The following PLGRKT variants were observed in gnomAD, a reference collection of about 807,000 sequenced individuals.
PLGRKT encodes plasminogen receptor with a C-terminal lysine, also known as plasminogen receptor (KT).
PLGRKT carries 22 observed loss-of-function variants against 18.5 expected under a neutral mutation model. That is an observed-to-expected ratio of 1.19 (90% CI 0.85 to 1.70). The LOEUF (loss-of-function observed/expected upper bound fraction) is 1.70, where lower values mean the gene tolerates loss of function less well. PLGRKT is among the 40% of genes most tolerant of loss of function. The probability of loss-of-function intolerance (pLI) is 0.00; values close to 1 mark genes in which losing one functional copy is unlikely to be tolerated. For synonymous variants in PLGRKT, 72 were observed against 52.8 expected, an observed-to-expected ratio of 1.36 and a Z score of -1.58; for missense variants, 235 against 174.4, an observed-to-expected ratio of 1.35 and a Z score of -1.96.
intron 3 of PLGRKT, among the ~76,000 whole-genome samples, chr9:5,399,833 T>C (rs1265062449): frequency 6.6e-6 from 1 of 151,274 alleles, no homozygotes; most frequent in East Asian, 1.9e-4. Flanking sequence ...CTACTAAAAA[T>C]ACCAAAAATT....
At chr9:5,383,456 T>C (rs1024196270) in intron 3 of PLGRKT, among the ~76,000 whole-genome samples, 1 of 152,134 alleles carries the variant, frequency 6.6e-6, no homozygotes, top group Non-Finnish European at 1.5e-5. Flanking sequence ...ATGGACCAGG[T>C]TGACGGATGG....
At chr9:5,368,696 C>T (rs1330730678) in intron 3 of PLGRKT, among the ~76,000 whole-genome samples, 1 of 152,094 alleles carries the variant, frequency 6.6e-6, no homozygotes, top group Non-Finnish European at 1.5e-5. Context: ...ACATAATAAA[C>T]CTGCACCCCC....
In PLGRKT at chr9:5,358,336, G is replaced by C. The variant is rs143651205; in HGVS notation, c.347C>G (p.Thr116Arg). ...TGGCAGCTGCAATTTACTCTTTTCT[G>C]TTTCCAGTATGTCCTCAGCTTCACC... ...MKGEAEDILE[T>R]EKSKLQLPRG... The change falls in exon 6 of 6, where the codon ACA (threonine) becomes AGA (arginine). Residue 116 changes from threonine to arginine, a missense_variant. Physicochemically the swap from Thr to Arg is moderately conservative, Grantham distance 71 (BLOSUM62 -1). Coordinates refer to ENST00000223864, the MANE Select transcript of PLGRKT (RefSeq NM_018465.4). 1.3e-5 allele frequency: 21 copies of C among 1,612,290 alleles called. No individual in the cohort carries two copies. Among genetic ancestry groups the C allele is most frequent in the Non-Finnish European group, 1.7e-5 (20 of 1,178,820 alleles).
chr9:5,377,928 C>T (rs1477791311), intron 3 of PLGRKT, among the ~76,000 whole-genome samples: 1 of 152,174 alleles, frequency 6.6e-6, no homozygotes, highest in Non-Finnish European at 1.5e-5. Context: ...GAAGGCAGTA[C>T]CACTGAGACC....
chr9:5,415,009 C>T (rs943859984), intron 3 of PLGRKT, among the ~76,000 whole-genome samples: 7 of 152,144 alleles, frequency 4.6e-5, no homozygotes, highest in African/African-American at 1.7e-4. Context: ...GGACAATCAT[C>T]ATAACAGTAA....
chr9:5,430,978 T>G (rs1342872534), intron 3 of PLGRKT, among the ~76,000 whole-genome samples: 1 of 152,236 alleles, frequency 6.6e-6, no homozygotes, highest in Non-Finnish European at 1.5e-5. Context: ...AGTTTCCTAT[T>G]GCTGCAGTAA....
intron 1 of PLGRKT, among the ~76,000 whole-genome samples, chr9:5,436,910 C>G (rs1818971425): frequency 6.6e-6 from 1 of 152,140 alleles, no homozygotes; most frequent in East Asian, 1.9e-4. Flanking sequence ...ATAGGGATAA[C>G]TTTGATTTCA....
intron 3 of PLGRKT, among the ~76,000 whole-genome samples, chr9:5,375,258 T>G (rs1335141704): frequency 6.6e-6 from 1 of 152,192 alleles, no homozygotes; most frequent in South Asian, 2.1e-4. Flanking sequence ...AGTATTGACA[T>G]GCGAGCTAAG....
chr9:5,422,301 T>C (rs1818593601), intron 3 of PLGRKT, among the ~76,000 whole-genome samples: 1 of 152,104 alleles, frequency 6.6e-6, no homozygotes, highest in South Asian at 2.1e-4. Flanking sequence ...TGTGATGTAT[T>C]AGGAATTACA....
In PLGRKT at chr9:5,398,327, G is replaced by A. The variant is rs146386651; in HGVS notation, c.81+33570C>T. On this transcript the variant is annotated intron_variant, in intron 3 of 5. Transcript: ENST00000223864. Reference sequence around the variant, plus strand: ...GCCAGGGACCCTCCAGAAGCAATATGCTTTTAATCACAGATGAAAAGTACT... The same window carrying A: ...GCCAGGGACCCTCCAGAAGCAATATACTTTTAATCACAGATGAAAAGTACT... Among the ~76,000 whole-genome samples the A allele has an allele frequency of 9.1e-3, 1,390 of 151,946 alleles. 11 individuals carry two copies. Among genetic ancestry groups the A allele is most frequent in the Middle Eastern group, 0.014 (4 of 294 alleles).
At chr9:5,415,973 G>C (rs972764621) in intron 3 of PLGRKT, among the ~76,000 whole-genome samples, 19 of 151,638 alleles carry the variant, frequency 1.3e-4, no homozygotes, top group African/African-American at 4.6e-4. Flanking sequence ...AAAAATCAGT[G>C]GTTAATAGTA....
In PLGRKT at chr9:5,361,778, T is replaced by C. The variant is rs762149554; in HGVS notation, c.192A>G (p.Ala64=). 1 of 1,612,604 alleles carries C rather than the reference T, an allele frequency of 6.2e-7. No homozygotes were observed. The highest frequency in any genetic ancestry group is 8.5e-7 in the Non-Finnish European group (1 of 1,179,582). The change falls in exon 4 of 6, where the codon GCA becomes GCG. Residue 64 remains alanine (A), a synonymous_variant. Transcript: ENST00000223864. The part of the protein sequence containing the change: ...LKYFGTFFGL[A]AISLTAGAIK... ...CATACCCAGCTGTTAAAGAGATGGC[T>C]GCAAGGCCAAAAAAAGTTCCAAAAT...
At chr9:5,414,668 G>T (rs1818425466) in intron 3 of PLGRKT, among the ~76,000 whole-genome samples, 1 of 152,182 alleles carries the variant, frequency 6.6e-6, no homozygotes, top group Non-Finnish European at 1.5e-5. Flanking sequence ...TATTTTGACT[G>T]GATACTGTGA....
intron 3 of PLGRKT, among the ~76,000 whole-genome samples, chr9:5,389,416 G>C (rs1286718918): frequency 6.6e-6 from 1 of 151,898 alleles, no homozygotes; most frequent in Non-Finnish European, 1.5e-5. Context: ...ATGTTCTGCA[G>C]GAGAACATGA....
chr9:5,374,842 T>C (rs1817597773), intron 3 of PLGRKT, among the ~76,000 whole-genome samples: 1 of 152,164 alleles, frequency 6.6e-6, no homozygotes, highest in African/African-American at 2.4e-5. Flanking sequence ...TAACATAGCA[T>C]CTCATTATTT....
Position 5,434,331 on chromosome 9 carries a change from C to A in PLGRKT, c.-7+2238G>T, listed in dbSNP as rs1818911611. Among the ~76,000 whole-genome samples, 12 of 141,802 alleles carry A rather than the reference C, an allele frequency of 8.5e-5. 1 individual carries two copies. The highest frequency in any genetic ancestry group is 8.3e-4 in the Admixed American group (12 of 14,520). The allele number at this position is 141,802 out of a possible 152,430, so 93.0% of individuals were successfully genotyped here. On this transcript the variant is annotated intron_variant, in intron 2 of 5. Coordinates refer to ENST00000223864, the MANE Select transcript of PLGRKT (RefSeq NM_018465.4). ...TGGGAAGTGGGCGCCTCTGCCTGGCCACCCCGTCTGGGAGGTGAGGAGCAC... is the reference window on the plus strand; with the variant it reads ...TGGGAAGTGGGCGCCTCTGCCTGGCAACCCCGTCTGGGAGGTGAGGAGCAC...
intron 3 of PLGRKT, among the ~76,000 whole-genome samples, chr9:5,395,009 C>A (rs1390311049): frequency 6.7e-6 from 1 of 150,296 alleles, no homozygotes; most frequent in Non-Finnish European, 1.5e-5. Flanking sequence ...AAGATTCCGA[C>A]TTTTTTGTTT....
At chr9:5,359,587 G>C (rs1241854359) in intron 5 of PLGRKT, among the ~76,000 whole-genome samples, 4 of 152,202 alleles carry the variant, frequency 2.6e-5, no homozygotes, top group African/African-American at 9.6e-5. Flanking sequence ...TGTGTTAAAA[G>C]AATGGCTGAT....
chr9:5,418,784 C>A lies in PLGRKT; in HGVS notation c.81+13113G>T. On this transcript the variant is annotated intron_variant, in intron 3 of 5. Transcript: ENST00000223864. This position sits in a 1 kb window ranked among gnomAD's most constrained non-coding sequence, Gnocchi z 4.2. Reference sequence around the variant, plus strand: ...TCGGGGTCGTCGAGGAGCTGCGACACGGAGAAGTCAGGGGGCAGCTTGGTG... The same window carrying A: ...TCGGGGTCGTCGAGGAGCTGCGACAAGGAGAAGTCAGGGGGCAGCTTGGTG... 1.2e-6 allele frequency: 1 copy of A among 806,068 alleles called. No homozygotes were observed. Among genetic ancestry groups the A allele is most frequent in the South Asian group, 1.5e-5 (1 of 66,706 alleles). 49.9% of individuals were successfully genotyped at this position (806,068 alleles called of 1,614,324 possible). A position where few individuals can be genotyped will look rare whatever the true frequency, so the allele number is the denominator to read the frequency against.
Sources: allele counts gnomAD v4.1 joint callset (sites outside exome capture counted in the v4.1 genomes callset), GRCh38; gene constraint gnomAD v4.1.1; non-coding constraint Gnocchi (gnomAD v3.1); transcripts MANE v1.5; gene names NCBI Gene and HGNC (gene_info 2026-07-23, HGNC 2026-07-21).